FOXP1: variants seen among roughly 807,000 people sequenced by gnomAD.
The protein encoded by FOXP1 is forkhead box protein P1.
FOXP1 carries 15 observed loss-of-function variants against 98.2 expected under a neutral mutation model. The observed-to-expected ratio is 0.15, with a 90% confidence interval of 0.10 to 0.24. The LOEUF is 0.24. FOXP1 is among the 10% of genes least tolerant of loss of function. The pLI is 1.00. For synonymous variants in FOXP1, 371 were observed against 314.5 expected, an observed-to-expected ratio of 1.18 and a Z score of -1.90; for missense variants, 633 against 848.5, an observed-to-expected ratio of 0.75 and a Z score of 3.15.
intron 11 of FOXP1, among the ~76,000 whole-genome samples, chr3:71,035,669 A>G (rs796546644): frequency 2.9e-4 from 44 of 152,336 alleles, no homozygotes; most frequent in Admixed American, 9.8e-4. Flanking sequence ...GAATTTGACC[A>G]CAGGTTCTCC....
In FOXP1 at chr3:71,440,460, G is replaced by A. The variant is rs149203040; in HGVS notation, c.-168+52966C>T. ...TAGGAAGCTGAGGCGGGCAGATCAC[G>A]AGGTCAGGAGTTCAAGACCAGCCTG... is the stretch of plus-strand genomic sequence containing the variant. On this transcript the variant is annotated intron_variant, in intron 3 of 20. Transcript: ENST00000649528. Among the ~76,000 whole-genome samples, 1,022 of 152,016 alleles carry A rather than the reference G, an allele frequency of 6.7e-3. 16 individuals carry two copies. Among genetic ancestry groups the A allele is most frequent in the African/African-American group, 0.024 (978 of 41,490 alleles).
chr3:71,241,216 A>G (rs1321017772), intron 5 of FOXP1, among the ~76,000 whole-genome samples: 2 of 147,688 alleles, frequency 1.4e-5, no homozygotes, highest in Non-Finnish European at 3.0e-5. Context: ...TCTCAAAAAA[A>G]CAAAACAAAA....
At chr3:71,032,254 C>T (rs2046974770) in intron 11 of FOXP1, among the ~76,000 whole-genome samples, 1 of 152,246 alleles carries the variant, frequency 6.6e-6, no homozygotes, top group Admixed American at 6.5e-5. Flanking sequence ...ATATTAACAC[C>T]ACCTGGGCTG....
At chr3:71,361,924 T>A (rs995275052) in intron 3 of FOXP1, among the ~76,000 whole-genome samples, 2 of 152,224 alleles carry the variant, frequency 1.3e-5, no homozygotes, top group Non-Finnish European at 2.9e-5. Flanking sequence ...AACAGCTGAC[T>A]GGAAAACCAA....
Position 70,958,105 on chromosome 3 carries a change from G to A in FOXP1, c.*1142C>T, listed in dbSNP as rs372613770. The A allele has an allele frequency of 2.9e-6, 1 of 345,920 alleles. No homozygotes were observed. Among genetic ancestry groups the A allele is most frequent in the African/African-American group, 2.3e-5 (1 of 44,376 alleles). The allele number at this position is 345,920 out of a possible 1,614,324, so 21.4% of individuals were successfully genotyped here. ...AGAGCCTTCCAAGGCCATATTGTCAGTCTAATTAATATGAGCTTTTTTTTT... is the reference window on the plus strand; with the variant it reads ...AGAGCCTTCCAAGGCCATATTGTCAATCTAATTAATATGAGCTTTTTTTTT... On this transcript the variant is annotated 3_prime_UTR_variant, in exon 21 of 21. Transcript: ENST00000649528.
At chr3:71,577,683 G>GCA (rs1365464701) in intron 2 of FOXP1, among the ~76,000 whole-genome samples, 1 of 151,828 alleles carries the variant, frequency 6.6e-6, no homozygotes, top group Non-Finnish European at 1.5e-5. Context: ...TGACAAGAAA[G>GCA]ATCATTAAAA....
intron 3 of FOXP1, among the ~76,000 whole-genome samples, chr3:71,479,673 T>A (rs1577737835): frequency 5.4e-5 from 4 of 74,182 alleles, no homozygotes; most frequent in South Asian, 3.8e-4. Context: ...GAGCAAAACA[T>A]CATCTCAAAA....
chr3:71,300,187 T>C (rs905065882), intron 4 of FOXP1, among the ~76,000 whole-genome samples: 2 of 152,224 alleles, frequency 1.3e-5, no homozygotes, highest in Non-Finnish European at 2.9e-5. Context: ...ATGTGACTCA[T>C]AGGCCTCTGT....
chr3:71,186,441 G>A (rs754330805), intron 6 of FOXP1, among the ~76,000 whole-genome samples: 4 of 152,220 alleles, frequency 2.6e-5, no homozygotes, highest in Admixed American at 6.5e-5. Context: ...GGCCAGGTGC[G>A]GTGGCTCACG....
intron 2 of FOXP1, among the ~76,000 whole-genome samples, chr3:71,561,331 C>G (rs1390833927): frequency 1.3e-5 from 2 of 149,058 alleles, no homozygotes; most frequent in Non-Finnish European, 3.0e-5. Context: ...TAGGCGTGAA[C>G]TACCACACCC....
chr3:71,467,322 C>G (rs796759589), intron 3 of FOXP1, among the ~76,000 whole-genome samples: 1 of 151,932 alleles, frequency 6.6e-6, no homozygotes, highest in East Asian at 1.9e-4. Flanking sequence ...GTACCTGGAA[C>G]GAAGTAGGAT....
chr3:71,025,487 T>C (rs1303996791), intron 11 of FOXP1, among the ~76,000 whole-genome samples: 1 of 152,170 alleles, frequency 6.6e-6, no homozygotes, highest in Admixed American at 6.5e-5. Flanking sequence ...GCCCTCTTTA[T>C]AACAAGATGG....
At chr3:71,438,005 T>C (rs572999348) in intron 3 of FOXP1, among the ~76,000 whole-genome samples, 18 of 152,342 alleles carry the variant, frequency 1.2e-4, no homozygotes, top group Non-Finnish European at 1.9e-4. Flanking sequence ...AGTGACTTAT[T>C]TCCAGAAGAA....
At chr3:71,241,061 T>A (rs1027459354) in intron 5 of FOXP1, among the ~76,000 whole-genome samples, 3 of 151,148 alleles carry the variant, frequency 2.0e-5, no homozygotes, top group African/African-American at 7.3e-5. Flanking sequence ...ATACAAAAAA[T>A]TAGCCGGGCA....
At chr3:71,353,739 T>A (rs2077956159) in intron 4 of FOXP1, among the ~76,000 whole-genome samples, 1 of 152,176 alleles carries the variant, frequency 6.6e-6, no homozygotes, top group Non-Finnish European at 1.5e-5. Context: ...CGCTAGAAAG[T>A]CATGTGATAC....
chr3:71,424,085 G>A (rs1399946623), intron 3 of FOXP1, among the ~76,000 whole-genome samples: 1 of 152,110 alleles, frequency 6.6e-6, no homozygotes, highest in African/African-American at 2.4e-5. Context: ...AAGCTGTCAG[G>A]CCTGGCTTAG....
At chr3:71,057,773 C>T (rs1342396359) in intron 7 of FOXP1, among the ~76,000 whole-genome samples, 1 of 152,186 alleles carries the variant, frequency 6.6e-6, no homozygotes, top group Non-Finnish European at 1.5e-5. Context: ...CTGATACCAA[C>T]TGGGTGTGGT....
At chr3:71,159,257 G>A (rs994262347) in intron 6 of FOXP1, among the ~76,000 whole-genome samples, 1 of 152,092 alleles carries the variant, frequency 6.6e-6, no homozygotes, top group African/African-American at 2.4e-5. Flanking sequence ...AGAGAATCCA[G>A]AGAAGGGCAA....
At chr3:70,971,291 G>A (rs980139209) in intron 18 of FOXP1, 7 of 193,488 alleles carry the variant, frequency 3.6e-5, no homozygotes, top group Admixed American at 5.3e-5. Context: ...CACAAGGCAC[G>A]TTTATTGCCA....
Sources: gnomAD v4.1 joint callset for allele counts (sites outside exome capture counted in the v4.1 genomes callset) on GRCh38, gnomAD v4.1.1 for gene constraint, MANE v1.5 for transcripts, NCBI Gene and HGNC (gene_info 2026-07-23, HGNC 2026-07-21) for gene names.